The following R3HCC1L variants were observed in gnomAD, a reference collection of about 807,000 sequenced individuals.
The protein encoded by R3HCC1L is R3H domain and coiled-coil containing 1 like.
Under a neutral mutation model 59.9 loss-of-function variants are expected in R3HCC1L, and 51 were observed. That is an observed-to-expected ratio of 0.85 (90% CI 0.68 to 1.07). R3HCC1L has a LOEUF of 1.07. Among genes scored for constraint, R3HCC1L ranks in the 50% least tolerant of loss-of-function variants. The pLI, the probability that R3HCC1L is intolerant of heterozygous loss-of-function variation, is 0.00. For synonymous variants in R3HCC1L, 322 were observed against 315.2 expected (o/e 1.02, Z -0.23); for missense variants, 965 against 933.0 (o/e 1.03, Z -0.45).
At chr10:98,180,986 G>A (rs957069068) in intron 4 of R3HCC1L, among the ~76,000 whole-genome samples, 6 of 152,202 alleles carry the variant, frequency 3.9e-5, no homozygotes, top group African/African-American at 1.4e-4. Context: ...ACACTGATGG[G>A]TCTTGACTCT....
At chr10:98,226,364 A>G (rs1369252195) in intron 5 of R3HCC1L, among the ~76,000 whole-genome samples, 1 of 152,248 alleles carries the variant, frequency 6.6e-6, no homozygotes, top group African/African-American at 2.4e-5. Context: ...CAAAAGAGGT[A>G]TAAAACTTAT....
intron 5 of R3HCC1L, among the ~76,000 whole-genome samples, chr10:98,228,827 T>A (rs1170748996): frequency 1.3e-5 from 2 of 152,248 alleles, no homozygotes; most frequent in Non-Finnish European, 2.9e-5. Flanking sequence ...CCAGCACCAT[T>A]TGTTAAATAG....
chr10:98,236,672 C>T (rs2135711221), intron 9 of R3HCC1L, among the ~76,000 whole-genome samples: 1 of 152,286 alleles, frequency 6.6e-6, no homozygotes, highest in African/African-American at 2.4e-5. Flanking sequence ...CATTAGAGTA[C>T]ATCTAGATTT....
At chr10:98,171,789 G>C (rs1408943) in intron 4 of R3HCC1L, among the ~76,000 whole-genome samples, 2 of 152,110 alleles carry the variant, frequency 1.3e-5, no homozygotes, top group African/African-American at 4.8e-5. Context: ...CACAACATTC[G>C]ATTATACAAG....
intron 4 of R3HCC1L, among the ~76,000 whole-genome samples, chr10:98,177,877 T>G (rs1428926421): frequency 6.6e-6 from 1 of 152,146 alleles, no homozygotes; most frequent in East Asian, 1.9e-4. Context: ...TTGATGGGGT[T>G]GTTTGATTTT....
At position 98,208,258 on chromosome 10, in the gene R3HCC1L, A is replaced by G. The variant is rs1852963199; in HGVS notation, c.144A>G (p.Lys48=). 1 of 1,614,052 alleles carries G rather than the reference A, an allele frequency of 6.2e-7. No individual in the cohort carries two copies. The highest frequency in any genetic ancestry group is 8.5e-7 in the Non-Finnish European group (1 of 1,180,038). The change falls in exon 5 of 10, where the codon AAA becomes AAG. Residue 48 remains lysine, a synonymous_variant. Coordinates refer to ENST00000298999, the MANE Select transcript of R3HCC1L (RefSeq NM_001351015.2). Reference sequence around the variant, plus strand: ...GTGGTTCACCTAACTCTGTGGTGAAAGAAAAGCAAAAAGAAAGTTCTCTCT... The same window carrying G: ...GTGGTTCACCTAACTCTGTGGTGAAGGAAAAGCAAAAAGAAAGTTCTCTCT... ...ESCGSPNSVV[K]EKQKESSLSQ... is the part of the protein sequence containing the mutation.
intron 9 of R3HCC1L, among the ~76,000 whole-genome samples, chr10:98,239,858 G>A (rs1185336388): frequency 3.3e-5 from 5 of 151,974 alleles, no homozygotes. Context: ...CCACCATGCT[G>A]GCTAATTTTT....
intron 1 of R3HCC1L, among the ~76,000 whole-genome samples, chr10:98,138,972 TA>T (rs1322056669): frequency 1.3e-5 from 2 of 152,244 alleles, no homozygotes; most frequent in Non-Finnish European, 2.9e-5. Context: ...TTTTAATTTT[TA>T]TTTTTTTTCT....
intron 1 of R3HCC1L, among the ~76,000 whole-genome samples, chr10:98,143,936 G>C (rs1029613755): frequency 1.3e-5 from 2 of 152,036 alleles, no homozygotes; most frequent in East Asian, 1.9e-4. Context: ...TGTTTTCTGT[G>C]TGTCTATTAC....
At chr10:98,223,418 T>C (rs953539551) in intron 5 of R3HCC1L, among the ~76,000 whole-genome samples, 1 of 152,080 alleles carries the variant, frequency 6.6e-6, no homozygotes, top group Admixed American at 6.6e-5. Flanking sequence ...CTGTGTTCTT[T>C]TGGAGGTGTT....
Position 98,186,094 on chromosome 10 carries a change from C to T in R3HCC1L, c.-14-22007C>T, listed in dbSNP as rs1042479263. ...ATGTTTCTGTAGAACCTCCAAGTTT[C>T]CTTCCTTCTTTCCAGAGGGAGAGTA... On this transcript the variant is annotated intron_variant, in intron 4 of 9. Coordinates refer to ENST00000298999, the MANE Select transcript of R3HCC1L (RefSeq NM_001351015.2). Among the ~76,000 whole-genome samples the T allele has an allele frequency of 2.6e-5, 4 of 152,204 alleles. No homozygotes were observed. The East Asian group carries it at 7.7e-4, about 29-fold the overall frequency.
In R3HCC1L at chr10:98,209,373, C is replaced by T. The variant is rs762206430; in HGVS notation, c.1259C>T (p.Ala420Val). The T allele has an allele frequency of 3.1e-6, 5 of 1,613,936 alleles. No homozygotes were observed. The South Asian group carries it at 5.5e-5, about 18-fold the overall frequency. Residue 420 changes from alanine to valine, a missense_variant, in exon 5 of 10, where the codon GCA becomes GTA. Ala to Val is a moderately conservative substitution (Grantham distance 64). Coordinates refer to ENST00000298999, the MANE Select transcript of R3HCC1L (RefSeq NM_001351015.2). Reference sequence around the variant, plus strand: ...TTCTCAAAGTTTGTAGGAATGAGTGCAGATGCAACCCCTCTTCATGTAGCT... The same window carrying T: ...TTCTCAAAGTTTGTAGGAATGAGTGTAGATGCAACCCCTCTTCATGTAGCT... Reference protein sequence around the residue: ...RSFSKFVGMSADATPLHVARS... With the variant: ...RSFSKFVGMSVDATPLHVARS...
At chr10:98,156,526 A>G (rs971440638) in intron 2 of R3HCC1L, among the ~76,000 whole-genome samples, 1 of 152,216 alleles carries the variant, frequency 6.6e-6, no homozygotes, top group Non-Finnish European at 1.5e-5. Flanking sequence ...TGATGAGACC[A>G]TCACTATCTA....
intron 4 of R3HCC1L, among the ~76,000 whole-genome samples, chr10:98,204,287 C>T (rs1168602843): frequency 1.3e-5 from 2 of 152,080 alleles, no homozygotes; most frequent in African/African-American, 4.8e-5. Context: ...CACCTGTAAT[C>T]CCAGCTGCTT....
chr10:98,244,185 C>T lies in R3HCC1L; in HGVS notation c.*27C>T. ...CATCACTCAATGAAAGGGATAATTCCATGAATCAGAAAATGTTTCCATAGC... is the reference window on the plus strand; with the variant it reads ...CATCACTCAATGAAAGGGATAATTCTATGAATCAGAAAATGTTTCCATAGC... On this transcript the variant is annotated 3_prime_UTR_variant, in exon 10 of 10. Transcript: ENST00000298999. 2 of 1,599,620 alleles carry T rather than the reference C, an allele frequency of 1.3e-6. No individual in the cohort carries two copies. The highest frequency in any genetic ancestry group is 1.7e-6 in the Non-Finnish European group (2 of 1,167,110).
intron 4 of R3HCC1L, among the ~76,000 whole-genome samples, chr10:98,206,986 A>G (rs1246449997): frequency 6.6e-6 from 1 of 152,248 alleles, no homozygotes; most frequent in Non-Finnish European, 1.5e-5. Context: ...CTGAAAGGAA[A>G]ATAACCTGTG....
chr10:98,190,633 T>A (rs1450848530), intron 4 of R3HCC1L, among the ~76,000 whole-genome samples: 3 of 152,162 alleles, frequency 2.0e-5, no homozygotes, highest in African/African-American at 7.2e-5. Flanking sequence ...GTAGTGCATA[T>A]ATTAAGGGTA....
intron 1 of R3HCC1L, among the ~76,000 whole-genome samples, chr10:98,152,844 G>A (rs574983159): frequency 0.011 from 1,590 of 150,608 alleles, 35 homozygotes; most frequent in African/African-American, 0.036. Flanking sequence ...CAGCCGCCCC[G>A]TCTGGGAAGT....
At position 98,204,088 on chromosome 10, in the gene R3HCC1L, C is replaced by A. The variant is rs539491472; in HGVS notation, c.-14-4013C>A. Reference sequence around the variant, plus strand: ...TGGATAAAAAGCACTTAGAACATTGCGAAAAAGTTAAAACTGTGTTAAAAG... The same window carrying A: ...TGGATAAAAAGCACTTAGAACATTGAGAAAAAGTTAAAACTGTGTTAAAAG... On this transcript the variant is annotated intron_variant, in intron 4 of 9. Coordinates refer to ENST00000298999, the MANE Select transcript of R3HCC1L (RefSeq NM_001351015.2). 1.7e-3 allele frequency among the ~76,000 whole-genome samples: 266 copies of A among 152,146 alleles called. 1 individual carries two copies. The highest frequency in any genetic ancestry group is 6.8e-3 in the Middle Eastern group (2 of 292).
Sources: allele counts gnomAD v4.1 joint callset (sites outside exome capture counted in the v4.1 genomes callset), GRCh38; gene constraint gnomAD v4.1.1; transcripts MANE v1.5; gene names NCBI Gene and HGNC (gene_info 2026-07-23, HGNC 2026-07-21).